SOCS7: variants seen among roughly 807,000 people sequenced by gnomAD.
The protein encoded by SOCS7 is suppressor of cytokine signaling 7.
A neutral mutation model predicts 58.9 loss-of-function variants in SOCS7; 18 were observed. The observed-to-expected ratio is 0.31, with a 90% CI of 0.21 to 0.45. The LOEUF is 0.45. SOCS7 is among the 20% of genes least tolerant of loss of function. The pLI, the probability that SOCS7 is intolerant of heterozygous loss-of-function variation, is 1.00. For synonymous variants in SOCS7, 388 were observed against 364.3 expected, an observed-to-expected ratio of 1.06 and a Z score of -0.74; for missense variants, 667 against 837.3, an observed-to-expected ratio of 0.80 and a Z score of 2.51.
At chr17:38,374,219 C>CA (rs999312084) in intron 6 of SOCS7, among the ~76,000 whole-genome samples, 1 of 150,274 alleles carries the variant, frequency 6.7e-6, no homozygotes, top group Non-Finnish European at 1.5e-5. Flanking sequence ...GACTCTGTCT[C>CA]AAAAAAAATG....
Position 38,352,297 on chromosome 17 carries a change from C to T in SOCS7, c.245C>T (p.Ala82Val). The change falls in exon 1 of 10, where the codon GCC (alanine) becomes GTC (valine). Residue 82 changes from alanine (A) to valine (V), a missense_variant. Ala to Val is a moderately conservative substitution (Grantham distance 64). Transcript: ENST00000612932. This position sits in a 1 kb window ranked among gnomAD's most constrained non-coding sequence, Gnocchi z 5.5. ...RPPEEEDVEA[A>V]PEPGPSELLC... is the part of the protein sequence containing the mutation. ...CCGGAGGAGGAGGACGTGGAGGCGG[C>T]CCCGGAGCCGGGACCCTCGGAACTG... is the stretch of plus-strand genomic sequence containing the variant. The T allele has an allele frequency of 6.7e-7, 1 of 1,487,748 alleles. No individual in the cohort carries two copies. 92.2% of individuals were successfully genotyped at this position (1,487,748 alleles called of 1,614,324 possible). A position where few individuals can be genotyped will look rare whatever the true frequency, so the allele number is the denominator to read the frequency against.
chr17:38,386,400 C>A (rs2038069100), intron 7 of SOCS7, among the ~76,000 whole-genome samples: 1 of 151,068 alleles, frequency 6.6e-6, no homozygotes, highest in Non-Finnish European at 1.5e-5. Context: ...ATGTCAAGGC[C>A]ACAGTGAGCT....
chr17:38,354,575 T>C (rs1728065436), intron 1 of SOCS7, among the ~76,000 whole-genome samples: 1 of 152,208 alleles, frequency 6.6e-6, no homozygotes, highest in African/African-American at 2.4e-5. Flanking sequence ...GGCCAGTGTT[T>C]CTGCTTTGCC....
In SOCS7 at chr17:38,352,146, C is replaced by T. The variant is rs2037561297; in HGVS notation, c.94C>T (p.Pro32Ser). 2 of 1,162,482 alleles carry T rather than the reference C, an allele frequency of 1.7e-6. No homozygotes were observed. Among genetic ancestry groups the T allele is most frequent in the Non-Finnish European group, 2.2e-6 (2 of 925,548 alleles). The allele number at this position is 1,162,482 out of a possible 1,614,324, so 72.0% of individuals were successfully genotyped here. The change falls in exon 1 of 10, where the codon CCC (proline) becomes TCC (serine). Residue 32 changes from proline to serine, a missense_variant. By Grantham distance (74) the Pro-to-Ser change is moderately conservative. This residue lies in a region of SOCS7 where 65 missense variants were observed against 51.0 expected (regional missense o/e 1.27). Coordinates refer to ENST00000612932, the MANE Select transcript of SOCS7 (RefSeq NM_014598.4). This position sits in a 1 kb window ranked among gnomAD's most constrained non-coding sequence, Gnocchi z 5.5. ...CCTCCTTGGCTATGGAGAGGCGGCC[C>T]CCGAGCCAGGCCCTCCGCCACCGCC... ...SRLLGYGEAA[P>S]EPGPPPPPPG...
intron 7 of SOCS7, among the ~76,000 whole-genome samples, chr17:38,390,647 C>T (rs2038159137): frequency 1.1e-5 from 1 of 92,526 alleles, no homozygotes; most frequent in South Asian, 3.6e-4. Flanking sequence ...CGTTTTCCTT[C>T]CTTCCTTCCT....
intron 7 of SOCS7, among the ~76,000 whole-genome samples, chr17:38,382,638 G>A (rs1381356164): frequency 2.6e-5 from 4 of 151,742 alleles, no homozygotes; most frequent in Non-Finnish European, 4.4e-5. Flanking sequence ...ACAGGCGCCC[G>A]CCACCACGCC....
At position 38,405,057 on chromosome 17, in the gene SOCS7, G is replaced by A. The variant is rs181219128; in HGVS notation, c.*5575G>A. On this transcript the variant is annotated 3_prime_UTR_variant, in exon 10 of 10. Transcript: ENST00000612932. Reference sequence around the variant, plus strand: ...TAGCCCCCCCTCTGCCCTCCTCCAAGCCAAAGCGTGGCCTGGCTTTTGTCT... The same window carrying A: ...TAGCCCCCCCTCTGCCCTCCTCCAAACCAAAGCGTGGCCTGGCTTTTGTCT... 699 of 152,246 alleles carry A rather than the reference G, an allele frequency of 4.6e-3. 4 individuals carry two copies. The highest frequency in any genetic ancestry group is 0.01 in the Middle Eastern group (3 of 296). The allele number at this position is 152,246 out of a possible 1,614,324, so 9.4% of individuals were successfully genotyped here. A position where few individuals can be genotyped will look rare whatever the true frequency, so the allele number is the denominator to read the frequency against.
At chr17:38,369,902 G>C (rs1264617803) in intron 6 of SOCS7, among the ~76,000 whole-genome samples, 1 of 151,288 alleles carries the variant, frequency 6.6e-6, no homozygotes, top group Non-Finnish European at 1.5e-5. Context: ...CAATTCTCCT[G>C]CCTCAGCCTC....
At chr17:38,354,959 A>T (rs1418970155) in intron 1 of SOCS7, among the ~76,000 whole-genome samples, 1 of 152,188 alleles carries the variant, frequency 6.6e-6, no homozygotes, top group Non-Finnish European at 1.5e-5. Context: ...TCTGTCACCA[A>T]CCCTCACACT....
At chr17:38,366,034 G>A (rs1680886513) in intron 4 of SOCS7, 8 of 1,295,320 alleles carry the variant, frequency 6.2e-6, no homozygotes, top group Non-Finnish European at 7.8e-6. Context: ...CCTTAGTAAG[G>A]TTAGTGAGCA....
intron 1 of SOCS7, among the ~76,000 whole-genome samples, chr17:38,361,503 G>C (rs1478829110): frequency 6.6e-6 from 1 of 152,184 alleles, no homozygotes; most frequent in African/African-American, 2.4e-5. Context: ...TTTGTAGGTT[G>C]GTGAATTCTG....
chr17:38,366,181 A>G lies in SOCS7; in HGVS notation c.1253-106A>G, dbSNP rs185027645. ...TTCTACCCTTTCCAGCTTAGCTTCT[A>G]ATGCCTTGCCCTCTTCAGTTAGCAT... On this transcript the variant is annotated intron_variant, in intron 4 of 9. Transcript: ENST00000612932. 2.1e-3 allele frequency: 3,049 copies of G among 1,461,172 alleles called. 137 individuals carry two copies. In the Admixed American group the frequency reaches 0.064, roughly 31 times the overall value. 90.5% of individuals were successfully genotyped at this position (1,461,172 alleles called of 1,614,324 possible).
At chr17:38,367,219 C>A (rs1210306794) in intron 5 of SOCS7, among the ~76,000 whole-genome samples, 3 of 152,024 alleles carry the variant, frequency 2.0e-5, no homozygotes, top group Non-Finnish European at 4.4e-5. Context: ...CGCCCACCAC[C>A]ATGCCCAGCT....
rs587726214 is a variant in SOCS7, at chr17:38,360,632, T to C, written c.981-1079T>C. On this transcript the variant is annotated intron_variant, in intron 1 of 9. Coordinates refer to ENST00000612932, the MANE Select transcript of SOCS7 (RefSeq NM_014598.4). ...TTGGCTCACTGCAAGCTCCGCCTCC[T>C]GGGTTCACGCCGTTCTCCTGCCTCA... 1.8e-4 allele frequency among the ~76,000 whole-genome samples: 28 copies of C among 152,290 alleles called. No individual in the cohort carries two copies. In the East Asian group the frequency reaches 4.2e-3, roughly 23 times the overall value.
At chr17:38,394,038 C>T (rs2038213110) in intron 7 of SOCS7, among the ~76,000 whole-genome samples, 2 of 152,188 alleles carry the variant, frequency 1.3e-5, no homozygotes, top group Non-Finnish European at 2.9e-5. Flanking sequence ...GGTTTTGCAA[C>T]TCAGATTTTC....
intron 7 of SOCS7, 54 bp from the exon 8 acceptor site, chr17:38,395,255 G>T (rs919588881): frequency 3.1e-6 from 5 of 1,590,938 alleles, no homozygotes; most frequent in Non-Finnish European, 4.3e-6. Flanking sequence ...ACAAGAAATG[G>T]TAGTTAGCTC....
intron 6 of SOCS7, among the ~76,000 whole-genome samples, chr17:38,376,547 C>T (rs540225880): frequency 2.8e-4 from 42 of 152,136 alleles, no homozygotes; most frequent in Non-Finnish European, 4.9e-4. Flanking sequence ...GCCTGACCAA[C>T]GTGGTGAAAC....
intron 6 of SOCS7, among the ~76,000 whole-genome samples, chr17:38,371,217 G>A (rs776517624): frequency 6.6e-6 from 1 of 151,832 alleles, no homozygotes; most frequent in Non-Finnish European, 1.5e-5. Flanking sequence ...GAGTTAAAGC[G>A]ATTCTCCTGC....
chr17:38,399,274 A>C (rs1392326423), intron 9 of SOCS7, among the ~76,000 whole-genome samples: 1 of 151,954 alleles, frequency 6.6e-6, no homozygotes, highest in Non-Finnish European at 1.5e-5. Context: ...GGTAGGATGT[A>C]TTTATTAGTT....
Sources: gnomAD v4.1 joint callset for allele counts (sites outside exome capture counted in the v4.1 genomes callset) on GRCh38, gnomAD v4.1.1 for gene constraint, gnomAD v4.1.1 regional missense constraint, Gnocchi (gnomAD v3.1) non-coding constraint, MANE v1.5 for transcripts, NCBI Gene and HGNC (gene_info 2026-07-23, HGNC 2026-07-21) for gene names.